Variants in ROBO2 observed in about 807,000 individuals in gnomAD.
The protein encoded by ROBO2 is roundabout homolog 2.
ROBO2 carries 53 observed loss-of-function variants against 160.8 expected under a neutral mutation model. The observed-to-expected ratio is 0.33, with a 90% CI of 0.26 to 0.41. The LOEUF (loss-of-function observed/expected upper bound fraction) is 0.41. Ranked by LOEUF, ROBO2 falls within the 10% of genes least tolerant of loss-of-function variation. The pLI, the probability that ROBO2 is intolerant of heterozygous loss-of-function variation, is 1.00. For synonymous variants in ROBO2, 664 were observed against 611.7 expected (o/e 1.09, Z -1.26); for missense variants, 1,577 against 1,722.4 (o/e 0.92, Z 1.49).
intron 2 of ROBO2, among the ~76,000 whole-genome samples, chr3:76,737,963 C>A (rs1425095101): frequency 2.6e-5 from 4 of 151,766 alleles, no homozygotes; most frequent in Non-Finnish European, 1.5e-5. Flanking sequence ...GGAGACCCCA[C>A]CTCTACAAAA....
At chr3:76,269,876 A>T (rs904330609) in intron 2 of ROBO2, among the ~76,000 whole-genome samples, 8 of 152,070 alleles carry the variant, frequency 5.3e-5, no homozygotes, top group Non-Finnish European at 1.2e-4. Context: ...TGTAGGTTCT[A>T]TAGAAAAGGA....
At chr3:77,383,435 C>T (rs2073767569) in intron 2 of ROBO2, among the ~76,000 whole-genome samples, 1 of 151,840 alleles carries the variant, frequency 6.6e-6, no homozygotes, top group African/African-American at 2.4e-5. Flanking sequence ...TTATTTTTCT[C>T]TTTTATTGTT....
chr3:76,059,428 T>G (rs1354643493), intron 2 of ROBO2, among the ~76,000 whole-genome samples: 1 of 152,222 alleles, frequency 6.6e-6, no homozygotes, highest in African/African-American at 2.4e-5. Flanking sequence ...TCATGTGTTT[T>G]CTGGCTGCAT....
At chr3:77,278,355 T>C (rs1007800381) in intron 2 of ROBO2, among the ~76,000 whole-genome samples, 1 of 152,170 alleles carries the variant, frequency 6.6e-6, no homozygotes, top group African/African-American at 2.4e-5. Context: ...CTGTAACTCA[T>C]ATCTTTCCAA....
chr3:76,806,002 T>C (rs1052092271), intron 2 of ROBO2, among the ~76,000 whole-genome samples: 2 of 151,900 alleles, frequency 1.3e-5, no homozygotes, highest in African/African-American at 4.8e-5. Context: ...CTTAATGCAT[T>C]ACACGGTTCT....
intron 2 of ROBO2, among the ~76,000 whole-genome samples, chr3:76,591,537 A>C (rs943663955): frequency 6.6e-6 from 1 of 152,128 alleles, no homozygotes; most frequent in Non-Finnish European, 1.5e-5. Context: ...CTGTCCAATA[A>C]TACAAACCTC....
chr3:76,793,591 CT>C (rs971952068), intron 2 of ROBO2, among the ~76,000 whole-genome samples: 7 of 151,000 alleles, frequency 4.6e-5, no homozygotes, highest in Admixed American at 1.3e-4. Context: ...ATAGTGAATT[CT>C]TTTTTTTTCT....
At chr3:76,558,516 TC>T (rs2083953694) in intron 2 of ROBO2, among the ~76,000 whole-genome samples, 1 of 152,108 alleles carries the variant, frequency 6.6e-6, no homozygotes, top group African/African-American at 2.4e-5. Flanking sequence ...TAAAACAGTT[TC>T]TCACAAGTAC....
intron 2 of ROBO2, among the ~76,000 whole-genome samples, chr3:76,552,149 T>C (rs2083460075): frequency 6.6e-6 from 1 of 152,214 alleles, no homozygotes; most frequent in South Asian, 2.1e-4. Context: ...GCATTTACAT[T>C]GTATTAGATA....
At chr3:77,242,466 T>C (rs770527005) in intron 2 of ROBO2, among the ~76,000 whole-genome samples, 1 of 152,186 alleles carries the variant, frequency 6.6e-6, no homozygotes, top group Non-Finnish European at 1.5e-5. Flanking sequence ...GCAAACATTC[T>C]CTAGATGTTG....
chr3:76,935,915 C>T (rs958488342), intron 2 of ROBO2, among the ~76,000 whole-genome samples: 10 of 152,180 alleles, frequency 6.6e-5, no homozygotes, highest in African/African-American at 2.4e-4. Flanking sequence ...CACAAAGGTC[C>T]TTCTTCCAAA....
chr3:76,042,024 G>GA (rs373689048), intron 2 of ROBO2, among the ~76,000 whole-genome samples: 2 of 57,688 alleles, frequency 3.5e-5, no homozygotes, highest in African/African-American at 2.0e-4. Context: ...GAGAGAGAGA[G>GA]GTTAAAAAAA....
intron 4 of ROBO2, among the ~76,000 whole-genome samples, chr3:77,491,193 G>A (rs931592756): frequency 2.6e-5 from 4 of 152,114 alleles, no homozygotes; most frequent in Admixed American, 6.5e-5. Context: ...CTAGGAGTGG[G>A]TGCATTAACA....
rs1559737127 is a variant in ROBO2, at chr3:76,304,751, T to TTCC, written c.109+367150_109+367151insCCT. 6.9e-4 allele frequency among the ~76,000 whole-genome samples: 57 copies of TTCC among 82,414 alleles called. 2 individuals are homozygous for TTCC. Among genetic ancestry groups the TTCC allele is most frequent in the East Asian group, 6.8e-3 (19 of 2,788 alleles). 54.1% of individuals were successfully genotyped at this position (82,414 alleles called of 152,430 possible). A position where few individuals can be genotyped will look rare whatever the true frequency, so the allele number is the denominator to read the frequency against. ...TTCTTTCTTTTCTTTTCTTTCCTTC[T>TTCC]TTCTTTCTTTCTTTCTTTCTTTCTT... On this transcript the variant is annotated intron_variant, in intron 2 of 26. Coordinates refer to the ROBO2 transcript ENST00000487694.
chr3:76,568,483 T>G (rs1340607488), intron 2 of ROBO2, among the ~76,000 whole-genome samples: 1 of 151,232 alleles, frequency 6.6e-6, no homozygotes, highest in Non-Finnish European at 1.5e-5. Flanking sequence ...TTTTTTTGTA[T>G]TTTTAGTAGA....
chr3:76,829,484 A>C (rs112418543), intron 2 of ROBO2, among the ~76,000 whole-genome samples: 1,868 of 152,134 alleles, frequency 0.012, 36 homozygotes, highest in African/African-American at 0.043. Context: ...ATAATAAAAA[A>C]AAAGAAAGAA....
intron 2 of ROBO2, among the ~76,000 whole-genome samples, chr3:76,524,920 A>C (rs2081867511): frequency 6.7e-6 from 1 of 148,920 alleles, no homozygotes; most frequent in Non-Finnish European, 1.5e-5. Context: ...CATTGGATTT[A>C]TAAAGATCCC....
chr3:76,249,002 G>A lies in ROBO2; in HGVS notation c.109+311400G>A, dbSNP rs542491759. Among the ~76,000 whole-genome samples, 15 of 152,134 alleles carry A rather than the reference G, an allele frequency of 9.9e-5. No homozygotes were observed. In the South Asian group the frequency reaches 2.3e-3, roughly 23 times the overall value. On this transcript the variant is annotated intron_variant, in intron 2 of 26. Coordinates refer to the ROBO2 transcript ENST00000487694. ...ATTTTCTAAGACACACATGTATTTCGTGTTTTTTGGGAGACTAAAGGGATT... is the reference window on the plus strand; with the variant it reads ...ATTTTCTAAGACACACATGTATTTCATGTTTTTTGGGAGACTAAAGGGATT...
At chr3:77,105,269 A>T (rs892967565) in intron 2 of ROBO2, among the ~76,000 whole-genome samples, 5 of 152,206 alleles carry the variant, frequency 3.3e-5, no homozygotes, top group African/African-American at 9.6e-5. Context: ...CTTAAATGCA[A>T]ACTCCGTGGC....
Sources: allele counts gnomAD v4.1 joint callset (sites outside exome capture counted in the v4.1 genomes callset), GRCh38; gene constraint gnomAD v4.1.1; transcripts MANE v1.5; gene names NCBI Gene and HGNC (gene_info 2026-07-23, HGNC 2026-07-21).